Variants in MANBA observed in about 807,000 individuals in gnomAD.
The protein encoded by MANBA is mannosidase beta, also known as beta-mannosidase.
Under a neutral mutation model 111.1 loss-of-function variants are expected in MANBA, and 83 were observed. The observed-to-expected ratio is 0.75, with a 90% CI of 0.63 to 0.90. The LOEUF is 0.90. Ranked by LOEUF, MANBA falls within the 40% of genes least tolerant of loss-of-function variation. The pLI is 0.00. For synonymous variants in MANBA, 370 were observed against 378.7 expected (o/e 0.98, Z 0.27); for missense variants, 1,036 against 1,069.0 (o/e 0.97, Z 0.43).
intron 5 of MANBA, among the ~76,000 whole-genome samples, chr4:102,708,160 A>T (rs375104487): frequency 6.6e-6 from 1 of 152,122 alleles, no homozygotes; most frequent in African/African-American, 2.4e-5. Context: ...ACCAAATGAA[A>T]CTAATACACA....
chr4:102,755,191 G>A (rs573231118), intron 1 of MANBA, among the ~76,000 whole-genome samples: 32 of 152,262 alleles, frequency 2.1e-4, no homozygotes, highest in South Asian at 4.1e-4. Flanking sequence ...GAACAAAGCT[G>A]GAGGCATCAC....
chr4:102,657,597 T>G (rs1347192369), intron 12 of MANBA, 85 bp downstream of exon 12: 2 of 1,104,606 alleles, frequency 1.8e-6, no homozygotes, highest in African/African-American at 3.1e-5. Flanking sequence ...GTAGGTTTCA[T>G]ATGATTTTCT....
At chr4:102,717,638 C>T (rs925271217) in intron 4 of MANBA, among the ~76,000 whole-genome samples, 11 of 152,086 alleles carry the variant, frequency 7.2e-5, no homozygotes, top group African/African-American at 2.7e-4. Context: ...AAGTGATCCA[C>T]CTGCCTTGGC....
Position 102,723,861 on chromosome 4 carries a change from C to A in MANBA, c.378+1G>T. On this transcript the variant is annotated splice_donor_variant, in intron 3 of 16. Coordinates refer to ENST00000647097, the MANE Select transcript of MANBA (RefSeq NM_005908.4). LOFTEE classifies it high-confidence loss of function. The stretch of plus-strand genomic sequence containing the variant: ...TTAACCTAATGTCATTATATACTTA[C>A]ATATCTATTGAACATATTGTCTGTT... The A allele has an allele frequency of 6.5e-7, 1 of 1,537,294 alleles. No individual in the cohort carries two copies. The highest frequency in any genetic ancestry group is 9.0e-7 in the Non-Finnish European group (1 of 1,111,710).
Position 102,666,734 on chromosome 4 carries a change from A to G in MANBA, c.1318-1882T>C, listed in dbSNP as rs531269749. On this transcript the variant is annotated intron_variant, in intron 10 of 16. Transcript: ENST00000647097. ...AAGTGTTGGCTAGGGAAGGAGTTCG[A>G]TTGTACTTTTTAAACCTTTTATTTT... The G allele has an allele frequency of 3.3e-5, 5 of 152,308 alleles. 1 individual carries two copies. In the South Asian group the frequency reaches 1.0e-3, roughly 32 times the overall value. The allele number at this position is 152,308 out of a possible 1,614,324, so 9.4% of individuals were successfully genotyped here. A position where few individuals can be genotyped will look rare whatever the true frequency, so the allele number is the denominator to read the frequency against.
chr4:102,711,972 T>C (rs938038801), intron 5 of MANBA, among the ~76,000 whole-genome samples: 2 of 152,164 alleles, frequency 1.3e-5, no homozygotes, highest in African/African-American at 4.8e-5. Context: ...TGCATTTAAA[T>C]AGAAGGAATA....
At chr4:102,744,699 A>T (rs900322296) in intron 1 of MANBA, among the ~76,000 whole-genome samples, 3 of 152,238 alleles carry the variant, frequency 2.0e-5, no homozygotes, top group Admixed American at 1.3e-4. Context: ...ATCCACTGTC[A>T]TTCTCCAAGA....
intron 11 of MANBA, among the ~76,000 whole-genome samples, chr4:102,660,495 C>T (rs909622112): frequency 2.0e-5 from 3 of 151,992 alleles, no homozygotes; most frequent in African/African-American, 7.2e-5. Flanking sequence ...CAGAATGTTG[C>T]CCAGGCTGGA....
chr4:102,727,868 G>A (rs1358962577), intron 1 of MANBA: 2 of 571,202 alleles, frequency 3.5e-6, no homozygotes, highest in Admixed American at 5.0e-5. Context: ...AGATGAAAAA[G>A]CCCCTTGTGA....
intron 9 of MANBA, among the ~76,000 whole-genome samples, chr4:102,670,154 C>CAAAAAAAAAAAAA (rs70937560): frequency 9.3e-6 from 1 of 107,960 alleles, no homozygotes; most frequent in Admixed American, 1.0e-4. Context: ...GACTCCATAT[C>CAAAAAAAAAAAAA]AAAAAAAAAA....
intron 7 of MANBA, among the ~76,000 whole-genome samples, chr4:102,680,820 T>C (rs1560770008): frequency 6.6e-6 from 1 of 152,242 alleles, no homozygotes; most frequent in Non-Finnish European, 1.5e-5. Flanking sequence ...CTGCAGCAGT[T>C]GTTCTGGAAA....
chr4:102,633,418 T>A (rs76127909), intron 16 of MANBA: 1 of 398,508 alleles, frequency 2.5e-6, no homozygotes, highest in South Asian at 1.3e-4. Flanking sequence ...CTTCGTTGGA[T>A]TGGAAATCTC....
intron 8 of MANBA, chr4:102,671,789 T>C (rs1175176127): frequency 4.8e-6 from 2 of 416,862 alleles, no homozygotes; most frequent in African/African-American, 4.1e-5. Flanking sequence ...CCCTATCTCC[T>C]TTTATGCAAT....
chr4:102,704,425 T>C (rs1250299782), intron 5 of MANBA, among the ~76,000 whole-genome samples: 1 of 152,146 alleles, frequency 6.6e-6, no homozygotes, highest in Non-Finnish European at 1.5e-5. Context: ...GAACTTGGTC[T>C]CCCAAAGCGC....
intron 7 of MANBA, among the ~76,000 whole-genome samples, chr4:102,674,732 C>T (rs1731652687): frequency 6.6e-6 from 1 of 152,156 alleles, no homozygotes; most frequent in South Asian, 2.1e-4. Flanking sequence ...CAGGTTTTCC[C>T]CCAGTTAAGC....
At chr4:102,730,335 C>A (rs1360227754) in intron 1 of MANBA, among the ~76,000 whole-genome samples, 1 of 152,134 alleles carries the variant, frequency 6.6e-6, no homozygotes, top group Non-Finnish European at 1.5e-5. Context: ...TTTCTCATGA[C>A]CTTCCCTGTG....
intron 5 of MANBA, among the ~76,000 whole-genome samples, chr4:102,698,179 C>T (rs227377): frequency 0.57 from 86,075 of 151,890 alleles, 26,046 homozygotes; most frequent in South Asian, 0.78. Context: ...TGTTCATGTC[C>T]TTTGCCCACT....
chr4:102,725,966 GTGAAATAGA>G (rs1722778657), intron 2 of MANBA, among the ~76,000 whole-genome samples: 2 of 152,116 alleles, frequency 1.3e-5, no homozygotes, highest in Non-Finnish European at 2.9e-5. Flanking sequence ...TGAGTTCAAG[GTGAAATAGA>G]ACCATTACGA....
intron 7 of MANBA, 41 bp from the exon 8 acceptor site, chr4:102,674,111 CA>C (rs1187056173): frequency 6.8e-6 from 10 of 1,476,242 alleles, no homozygotes; most frequent in Non-Finnish European, 8.5e-6. Flanking sequence ...CAAATTTAAA[CA>C]TAAGCAAAAT....
Sources: allele counts gnomAD v4.1 joint callset (sites outside exome capture counted in the v4.1 genomes callset), GRCh38; gene constraint gnomAD v4.1.1; transcripts MANE v1.5; gene names NCBI Gene and HGNC (gene_info 2026-07-23, HGNC 2026-07-21).